Variants in C1orf141 observed in about 807,000 individuals in gnomAD.
C1orf141 encodes uncharacterized protein C1orf141.
In C1orf141, 19 loss-of-function variants were observed where a neutral mutation model predicts 23.2. The observed-to-expected ratio is 0.82, with a 90% confidence interval of 0.57 to 1.20. The LOEUF is 1.20. Among genes scored for constraint, C1orf141 ranks in the 50% most tolerant of loss-of-function variants. The pLI, the probability that C1orf141 is intolerant of heterozygous loss-of-function variation, is 0.00. For missense variants in C1orf141, 469 were observed against 455.1 expected (o/e 1.03, Z -0.28); for synonymous variants, 153 against 154.6 (o/e 0.99, Z 0.08).
At chr1:67,103,756 A>G (rs1256290089) in intron 5 of C1orf141, among the ~76,000 whole-genome samples, 1 of 152,090 alleles carries the variant, frequency 6.6e-6, no homozygotes, top group Non-Finnish European at 1.5e-5. Context: ...TTGACAAACT[A>G]TTACTCTCTC....
At chr1:67,111,612 T>C (rs768048341) in intron 5 of C1orf141, 18 of 1,385,928 alleles carry the variant, frequency 1.3e-5, no homozygotes, top group Non-Finnish European at 1.6e-5. Context: ...TAGGGTCTAA[T>C]AGATCTTGAT....
At chr1:67,103,722 C>G (rs774913470) in intron 5 of C1orf141, among the ~76,000 whole-genome samples, 14 of 152,006 alleles carry the variant, frequency 9.2e-5, no homozygotes, top group Non-Finnish European at 1.9e-4. Flanking sequence ...AGTTCAAATG[C>G]TGGGAAATAA....
intron 1 of C1orf141, among the ~76,000 whole-genome samples, chr1:67,141,331 T>C (rs961231500): frequency 1.3e-5 from 2 of 152,184 alleles, no homozygotes; most frequent in African/African-American, 4.8e-5. Flanking sequence ...ATTAATGTAT[T>C]ATTTTTGCAG....
At chr1:67,101,481 T>TGTGTGC (rs1210439694) in intron 5 of C1orf141, among the ~76,000 whole-genome samples, 7 of 151,424 alleles carry the variant, frequency 4.6e-5, no homozygotes, top group Non-Finnish European at 1.0e-4. Flanking sequence ...TGTGTGTGTG[T>TGTGTGC]GTGTGTGATG....
Position 67,125,860 on chromosome 1 carries a change from A to AG in C1orf141, c.124dup (p.Leu42ProfsTer4). ...AAATTCCAACTGAAAATCAAATGTC[A>AG]GGGGTATAGCCATAGTTGTTTTTCT... On this transcript the variant is annotated frameshift_variant, in exon 4 of 8. Coordinates refer to ENST00000684719, the MANE Select transcript of C1orf141 (RefSeq NM_001276351.2). LOFTEE classifies it high-confidence loss of function. The AG allele has an allele frequency of 6.2e-7, 1 of 1,610,052 alleles. No individual in the cohort carries two copies. The highest frequency in any genetic ancestry group is 8.5e-7 in the Non-Finnish European group (1 of 1,177,812).
upstream of C1orf141, among the ~76,000 whole-genome samples, chr1:67,138,307 T>C (rs950490910): frequency 1.3e-5 from 2 of 152,240 alleles, no homozygotes; most frequent in Non-Finnish European, 2.9e-5. Context: ...TTCTAGATAA[T>C]GTGCTAGTTG....
chr1:67,132,566 T>G (rs1054641627), intron 1 of C1orf141, among the ~76,000 whole-genome samples: 3 of 152,090 alleles, frequency 2.0e-5, no homozygotes, highest in African/African-American at 7.2e-5. Flanking sequence ...TCTTCCTTAC[T>G]GGGTTGAAAG....
At chr1:67,135,158 T>C (rs771126827), upstream of C1orf141, among the ~76,000 whole-genome samples, 133 of 152,342 alleles carry the variant, frequency 8.7e-4, 2 homozygotes, top group Non-Finnish European at 1.6e-3. Context: ...AAACCGATTA[T>C]GCTGAAGGAG....
chr1:67,118,591 G>T (rs1006880828), intron 4 of C1orf141, among the ~76,000 whole-genome samples: 2 of 152,192 alleles, frequency 1.3e-5, no homozygotes, highest in African/African-American at 2.4e-5. Flanking sequence ...CTGGGGAAAT[G>T]CTGGGGACTG....
rs1646400023 is a variant in C1orf141, at chr1:67,125,877, T to C, written c.108A>G (p.Thr36=). Residue 36 remains threonine (T), a synonymous_variant, in exon 4 of 8, where the codon ACA becomes ACG. Coordinates refer to ENST00000684719, the MANE Select transcript of C1orf141 (RefSeq NM_001276351.2). Reference sequence around the variant, plus strand: ...CAAATGTCAGGGGTATAGCCATAGTTGTTTTTCTTCCTTCACTCTGAAGCC... The same window carrying C: ...CAAATGTCAGGGGTATAGCCATAGTCGTTTTTCTTCCTTCACTCTGAAGCC... ...INRLQSEGRK[T]TMAIPLTFDF... is the part of the protein sequence containing the mutation. 5.0e-6 allele frequency: 8 copies of C among 1,613,320 alleles called. No homozygotes were observed. Among genetic ancestry groups the C allele is most frequent in the Non-Finnish European group, 6.8e-6 (8 of 1,179,900 alleles).
At chr1:67,112,475 G>A (rs1425594699) in intron 5 of C1orf141, among the ~76,000 whole-genome samples, 3 of 152,152 alleles carry the variant, frequency 2.0e-5, no homozygotes, top group Admixed American at 6.5e-5. Flanking sequence ...GCCAGGACAG[G>A]TGGATCACTG....
chr1:67,127,653 G>A (rs1646441965), intron 2 of C1orf141, among the ~76,000 whole-genome samples: 1 of 151,756 alleles, frequency 6.6e-6, no homozygotes, highest in Non-Finnish European at 1.5e-5. Context: ...TGTTGTTGTT[G>A]AGACAGAGTC....
chr1:67,097,475 C>A (rs1645707925), intron 5 of C1orf141, among the ~76,000 whole-genome samples: 1 of 152,102 alleles, frequency 6.6e-6, no homozygotes, highest in African/African-American at 2.4e-5. Context: ...GCTGAAAGAA[C>A]AAAGAGGCCA....
intron 5 of C1orf141, among the ~76,000 whole-genome samples, chr1:67,100,355 T>C (rs1423650416): frequency 2.0e-5 from 3 of 152,196 alleles, no homozygotes; most frequent in Non-Finnish European, 4.4e-5. Context: ...TTTGGTTTAC[T>C]TCAATGTTTA....
chr1:67,128,628 G>C (rs1646463608), intron 2 of C1orf141, among the ~76,000 whole-genome samples: 1 of 151,902 alleles, frequency 6.6e-6, no homozygotes, highest in East Asian at 1.9e-4. Flanking sequence ...TTGAACCCAG[G>C]AGGCAGAGGT....
intron 4 of C1orf141, among the ~76,000 whole-genome samples, chr1:67,120,988 T>C (rs12140736): frequency 0.67 from 102,367 of 151,960 alleles, 35,028 homozygotes; most frequent in East Asian, 0.79. Flanking sequence ...GGTTGGAGAA[T>C]GTGTTCCTCT....
At chr1:67,104,489 C>CGGCCGGGCGCGGTGGCTCACGCCTGT (rs1645876590) in intron 5 of C1orf141, among the ~76,000 whole-genome samples, 1 of 151,922 alleles carries the variant, frequency 6.6e-6, no homozygotes, top group African/African-American at 2.4e-5. Context: ...GAAAAATTAA[C>CGGCCGGGCGCGGTGGCTCACGCCTGT]AAAATTGTCA....
chr1:67,139,598 G>A (rs572153572), upstream of C1orf141, among the ~76,000 whole-genome samples: 1 of 152,230 alleles, frequency 6.6e-6, no homozygotes, highest in South Asian at 2.1e-4. Flanking sequence ...GATCACAACA[G>A]TAAACATATT....
intron 5 of C1orf141, among the ~76,000 whole-genome samples, chr1:67,113,187 C>T (rs1043873010): frequency 3.3e-5 from 5 of 151,672 alleles, no homozygotes; most frequent in African/African-American, 1.2e-4. Context: ...ACCATGTTGG[C>T]CAGGCTGGTC....
Sources: gnomAD v4.1 joint callset for allele counts (sites outside exome capture counted in the v4.1 genomes callset) on GRCh38, gnomAD v4.1.1 for gene constraint, MANE v1.5 for transcripts, NCBI Gene and HGNC (gene_info 2026-07-23, HGNC 2026-07-21) for gene names.